Variants in PDGFRL observed in about 807,000 individuals in gnomAD.
PDGFRL encodes the protein platelet derived growth factor receptor like.
In PDGFRL, 46 loss-of-function variants were observed where a neutral mutation model predicts 37.2. That is an observed-to-expected ratio of 1.24 (90% CI 0.98 to 1.58). The LOEUF (loss-of-function observed/expected upper bound fraction) is 1.58, where lower values mean the gene tolerates loss of function less well. Ranked by LOEUF, PDGFRL falls within the 40% of genes most tolerant of loss-of-function variation. The probability of loss-of-function intolerance (pLI) is 0.00; values close to 1 mark genes in which losing one functional copy is unlikely to be tolerated. For synonymous variants in PDGFRL, 251 were observed against 184.3 expected (o/e 1.36, Z -2.93); for missense variants, 692 against 467.6 (o/e 1.48, Z -4.43).
At chr8:17,635,306 G>A (rs1804950098) in intron 5 of PDGFRL, among the ~76,000 whole-genome samples, 1 of 144,212 alleles carries the variant, frequency 6.9e-6, no homozygotes, top group African/African-American at 2.6e-5. Flanking sequence ...CCTTTCCCCT[G>A]AATCCCCAAA....
chr8:17,609,005 G>C (rs570259020), intron 2 of PDGFRL, among the ~76,000 whole-genome samples: 1 of 152,298 alleles, frequency 6.6e-6, no homozygotes, highest in African/African-American at 2.4e-5. Context: ...GATCACTTGA[G>C]CCCGGGAGTT....
intron 5 of PDGFRL, among the ~76,000 whole-genome samples, chr8:17,641,443 G>C (rs1166822362): frequency 6.6e-6 from 1 of 152,190 alleles, no homozygotes; most frequent in East Asian, 1.9e-4. Context: ...CTTGGGGACT[G>C]AGAGAGCCCA....
rs183611536 is a variant in PDGFRL at position 17,591,084 on chromosome 8, A to G, written c.353+1319A>G. ...TTTTTAGTAGAGACAGAGTTTCACTATGTTAGCCAGGATGGTCTCAATCTC... is the reference window on the plus strand; with the variant it reads ...TTTTTAGTAGAGACAGAGTTTCACTGTGTTAGCCAGGATGGTCTCAATCTC... On this transcript the variant is annotated intron_variant, in intron 2 of 5. Coordinates refer to ENST00000251630, the MANE Select transcript of PDGFRL (RefSeq NM_001372073.1). 4.1e-3 allele frequency among the ~76,000 whole-genome samples: 620 copies of G among 152,034 alleles called. 2 individuals are homozygous for G. The highest frequency in any genetic ancestry group is 0.013 in the African/African-American group (523 of 41,474).
At chr8:17,581,219 C>T (rs192587091) in intron 1 of PDGFRL, among the ~76,000 whole-genome samples, 10 of 152,140 alleles carry the variant, frequency 6.6e-5, no homozygotes, top group Admixed American at 5.2e-4. Flanking sequence ...CTGCCTGAAA[C>T]AAGGAAGCAA....
Position 17,633,989 on chromosome 8 carries a change from T to C in PDGFRL, c.800-85T>C, listed in dbSNP as rs923149699. Reference sequence around the variant, plus strand: ...TGAGAAAGGCAGAAAATTCCATCTCTCTCCATGGAAAAGAATGCATCTGTA... The same window carrying C: ...TGAGAAAGGCAGAAAATTCCATCTCCCTCCATGGAAAAGAATGCATCTGTA... On this transcript the variant is annotated intron_variant, in intron 4 of 5. Transcript: ENST00000251630. The C allele has an allele frequency of 3.7e-6, 5 of 1,335,612 alleles. No homozygotes were observed. In the African/African-American group the frequency reaches 7.2e-5, roughly 19 times the overall value. 82.7% of individuals were successfully genotyped at this position (1,335,612 alleles called of 1,614,324 possible).
chr8:17,620,344 ATTTTC>A (rs1469019723), intron 2 of PDGFRL, among the ~76,000 whole-genome samples: 1 of 152,078 alleles, frequency 6.6e-6, no homozygotes, highest in African/African-American at 2.4e-5. Flanking sequence ...TAATATTCAT[ATTTTC>A]TTAAAACAGA....
chr8:17,625,820 C>T (rs1475849276), intron 3 of PDGFRL, among the ~76,000 whole-genome samples: 1 of 152,092 alleles, frequency 6.6e-6, no homozygotes, highest in Non-Finnish European at 1.5e-5. Flanking sequence ...GAGACCCTGA[C>T]TCTAGAAAAA....
At chr8:17,589,401 T>C (rs1218516884) in intron 1 of PDGFRL, 67 bp from the exon 2 acceptor site, 4 of 1,221,050 alleles carry the variant, frequency 3.3e-6, no homozygotes, top group Non-Finnish European at 4.6e-6. Context: ...AAAAAAAAAG[T>C]TATTGGCCTC....
intron 2 of PDGFRL, chr8:17,596,400 C>T (rs935916322): frequency 2.8e-5 from 24 of 854,844 alleles, no homozygotes; most frequent in South Asian, 1.2e-4. Context: ...ACATTTTAAA[C>T]GACCTTATTC....
chr8:17,580,862 A>G (rs949798449), intron 1 of PDGFRL, among the ~76,000 whole-genome samples: 8 of 151,480 alleles, frequency 5.3e-5, no homozygotes, highest in African/African-American at 1.5e-4. Flanking sequence ...ACCCCTTGGC[A>G]TTTTTTTTAG....
intron 4 of PDGFRL, among the ~76,000 whole-genome samples, chr8:17,631,871 G>T (rs1336591609): frequency 6.6e-6 from 1 of 152,134 alleles, no homozygotes; most frequent in Non-Finnish European, 1.5e-5. Flanking sequence ...GCTCCCCCAG[G>T]CACCCTTCTT....
At chr8:17,599,723 T>A (rs1347260956) in intron 2 of PDGFRL, among the ~76,000 whole-genome samples, 2 of 152,196 alleles carry the variant, frequency 1.3e-5, no homozygotes, top group African/African-American at 4.8e-5. Flanking sequence ...CATCTTCATC[T>A]CTCTGACTTT....
chr8:17,615,730 C>T (rs564284087), intron 2 of PDGFRL, among the ~76,000 whole-genome samples: 242 of 152,170 alleles, frequency 1.6e-3, no homozygotes, highest in Non-Finnish European at 2.9e-3. Flanking sequence ...GCCTGGGCGA[C>T]GCAGCAAGAC....
intron 1 of PDGFRL, among the ~76,000 whole-genome samples, chr8:17,584,390 T>G (rs1370303720): frequency 6.6e-6 from 1 of 151,776 alleles, no homozygotes. Context: ...AGATCTGGAG[T>G]GTAGAGGCGG....
intron 1 of PDGFRL, among the ~76,000 whole-genome samples, chr8:17,584,884 G>C (rs1418468231): frequency 6.6e-6 from 1 of 152,118 alleles, no homozygotes; most frequent in African/African-American, 2.4e-5. Context: ...AGGAATAAAA[G>C]AATGGCTTCT....
chr8:17,633,984 ATC>A (rs1453516776), intron 4 of PDGFRL, 88 bp from the exon 5 acceptor site: 2 of 1,302,258 alleles, frequency 1.5e-6, no homozygotes, highest in Non-Finnish European at 1.1e-6. Flanking sequence ...AGAAAATTCC[ATC>A]TCTCTCCATG....
chr8:17,590,236 C>CAAAAAAAAAAAAAAAAAAAAAAAAAAAAA lies in PDGFRL; in HGVS notation c.353+491_353+492insAAAAAAAAAAAAAAAAAAAAAAAAAAAAA, dbSNP rs770779669. On this transcript the variant is annotated intron_variant, in intron 2 of 5. Coordinates refer to ENST00000251630, the MANE Select transcript of PDGFRL (RefSeq NM_001372073.1). ...GGTGACAGAGAGCGAGACTCCATCT[C>CAAAAAAAAAAAAAAAAAAAAAAAAAAAAA]AAAAAAAAAAAAAAAAAAAATTGCA... Among the ~76,000 whole-genome samples, 152 of 35,584 alleles carry CAAAAAAAAAAAAAAAAAAAAAAAAAAAAA rather than the reference C, an allele frequency of 4.3e-3. 22 individuals carry two copies. Among genetic ancestry groups the CAAAAAAAAAAAAAAAAAAAAAAAAAAAAA allele is most frequent in the Non-Finnish European group, 7.0e-3 (112 of 15,958 alleles). The allele number at this position is 35,584 out of a possible 152,430, so 23.3% of individuals were successfully genotyped here.
chr8:17,628,698 G>A lies in PDGFRL; in HGVS notation c.717G>A (p.Glu239=). ...RGFVYLQPHS[E]HQGVVYCRAE... is the part of the protein sequence containing the mutation. The stretch of plus-strand genomic sequence containing the variant: ...TTGTGTATCTGCAACCTCATTCCGA[G>A]CACCAGGGTGTGGTTTACTGCAGGG... Residue 239 remains glutamate (E), a synonymous_variant, in exon 4 of 6, where the codon GAG becomes GAA. Coordinates refer to ENST00000251630, the MANE Select transcript of PDGFRL (RefSeq NM_001372073.1). 2 of 1,613,980 alleles carry A rather than the reference G, an allele frequency of 1.2e-6. No individual in the cohort carries two copies. The highest frequency in any genetic ancestry group is 1.7e-6 in the Non-Finnish European group (2 of 1,179,832).
intron 2 of PDGFRL, among the ~76,000 whole-genome samples, chr8:17,602,670 G>A (rs959130953): frequency 6.6e-6 from 1 of 152,100 alleles, no homozygotes; most frequent in African/African-American, 2.4e-5. Flanking sequence ...CCTGATACTG[G>A]GCTATTTGGA....
Sources: gnomAD v4.1 joint callset for allele counts (sites outside exome capture counted in the v4.1 genomes callset) on GRCh38, gnomAD v4.1.1 for gene constraint, MANE v1.5 for transcripts, NCBI Gene and HGNC (gene_info 2026-07-23, HGNC 2026-07-21) for gene names.